MGMT: variants seen among roughly 807,000 people sequenced by gnomAD.
The protein encoded by MGMT is O-6-methylguanine-DNA methyltransferase.
In MGMT, 14 loss-of-function variants were observed where a neutral mutation model predicts 15.9. The observed-to-expected ratio is 0.88, with a 90% confidence interval of 0.58 to 1.37. The LOEUF (loss-of-function observed/expected upper bound fraction) is 1.37, where lower values mean the gene tolerates loss of function less well. Ranked by LOEUF, MGMT falls within the 40% of genes most tolerant of loss-of-function variation. The pLI, the probability that MGMT is intolerant of heterozygous loss-of-function variation, is 0.00. For missense variants in MGMT, 282 were observed against 268.1 expected (o/e 1.05, Z -0.36); for synonymous variants, 130 against 118.2 (o/e 1.10, Z -0.65).
intron 3 of MGMT, among the ~76,000 whole-genome samples, chr10:129,728,444 T>C (rs1165122008): frequency 4.6e-5 from 7 of 152,108 alleles, no homozygotes; most frequent in Non-Finnish European, 8.8e-5. Context: ...GGGTCCATAA[T>C]GGTGGTGATT....
chr10:129,506,379 G>A (rs1845625627), intron 1 of MGMT, among the ~76,000 whole-genome samples: 1 of 152,054 alleles, frequency 6.6e-6, no homozygotes, highest in South Asian at 2.1e-4. Flanking sequence ...GTGCCATCTT[G>A]GACCCCTTCT....
At chr10:129,603,606 T>G (rs545860733) in intron 2 of MGMT, among the ~76,000 whole-genome samples, 1 of 152,340 alleles carries the variant, frequency 6.6e-6, no homozygotes, top group Admixed American at 6.5e-5. Flanking sequence ...CAGATAATAC[T>G]GAAACAATTG....
intron 2 of MGMT, among the ~76,000 whole-genome samples, chr10:129,550,401 G>A (rs1846143715): frequency 6.6e-6 from 1 of 150,572 alleles, no homozygotes; most frequent in Non-Finnish European, 1.5e-5. Context: ...ACAGTGTTCC[G>A]CAGCCATCAC....
rs1007197442 is a variant in MGMT at position 129,566,932 on chromosome 10, A to G, written c.125+30555A>G. ...AGCAATCCGTCATCAATGGAGATCAATACCCAGGAGGTGCCATCTCTCTTG... is the reference window on the plus strand; with the variant it reads ...AGCAATCCGTCATCAATGGAGATCAGTACCCAGGAGGTGCCATCTCTCTTG... On this transcript the variant is annotated intron_variant, in intron 2 of 4. Coordinates refer to ENST00000651593, the MANE Select transcript of MGMT (RefSeq NM_002412.5). This position sits in a 1 kb window ranked among gnomAD's most constrained non-coding sequence, Gnocchi z 4.1. 1.3e-5 allele frequency among the ~76,000 whole-genome samples: 2 copies of G among 152,102 alleles called. No homozygotes were observed. The highest frequency in any genetic ancestry group is 1.3e-4 in the Admixed American group (2 of 15,278).
chr10:129,627,149 G>A (rs1470179981), intron 2 of MGMT, among the ~76,000 whole-genome samples: 1 of 152,250 alleles, frequency 6.6e-6, no homozygotes, highest in African/African-American at 2.4e-5. Flanking sequence ...CAACTTGAAA[G>A]TGAGATATCA....
chr10:129,651,379 G>A (rs957659044), intron 2 of MGMT, among the ~76,000 whole-genome samples: 13 of 151,644 alleles, frequency 8.6e-5, no homozygotes, highest in Non-Finnish European at 1.3e-4. Context: ...TTCTTTAAAG[G>A]TCATTTGGCT....
chr10:129,721,104 A>AG (rs1163050631), intron 3 of MGMT, among the ~76,000 whole-genome samples: 2 of 152,118 alleles, frequency 1.3e-5, no homozygotes, highest in East Asian at 3.8e-4. Flanking sequence ...CTTTGGACAA[A>AG]GGAGTATTCA....
intron 2 of MGMT, among the ~76,000 whole-genome samples, chr10:129,585,655 T>C (rs370915505): frequency 2.4e-4 from 36 of 152,356 alleles, no homozygotes; most frequent in East Asian, 7.7e-4. Flanking sequence ...CCTTAACATA[T>C]AGCAAATTCA....
rs894743003 is a variant in MGMT at position 129,770,853 on chromosome 10, G to A, written c.*3856G>A. On this transcript the variant is annotated 3_prime_UTR_variant, in exon 5 of 5. Coordinates refer to ENST00000651593, the MANE Select transcript of MGMT (RefSeq NM_002412.5). ...TTGCCATCGGGGCAGTGGAGTCCCC[G>A]GAAACAGTCCAAGGCCCTGGGGTGG... is the stretch of plus-strand genomic sequence containing the variant. Among the ~76,000 whole-genome samples the A allele has an allele frequency of 1.4e-5, 2 of 145,926 alleles. No individual in the cohort carries two copies. Among genetic ancestry groups the A allele is most frequent in the African/African-American group, 2.6e-5 (1 of 38,678 alleles).
intron 3 of MGMT, among the ~76,000 whole-genome samples, chr10:129,740,147 T>C (rs974985855): frequency 5.3e-5 from 8 of 152,200 alleles, no homozygotes; most frequent in Non-Finnish European, 1.2e-4. Flanking sequence ...GAGTTAGAAG[T>C]CGGGGTCCGG....
intron 2 of MGMT, among the ~76,000 whole-genome samples, chr10:129,660,986 C>A (rs1847590894): frequency 6.6e-6 from 1 of 152,200 alleles, no homozygotes; most frequent in African/African-American, 2.4e-5. Flanking sequence ...TTTCCAGAAG[C>A]AATCAGTCTT....
In MGMT at chr10:129,560,377, C is replaced by A. The variant is rs371988734; in HGVS notation, c.125+24000C>A. ...AATTTTATAGATAAATTATGGAAAT[C>A]TGTGGTAGACACAGCTCCAGGCAGT... is the stretch of plus-strand genomic sequence containing the variant. On this transcript the variant is annotated intron_variant, in intron 2 of 4. Transcript: ENST00000651593. Among the ~76,000 whole-genome samples the A allele has an allele frequency of 7.9e-5, 12 of 152,296 alleles. No homozygotes were observed. The South Asian group carries it at 2.5e-3, about 32-fold the overall frequency.
intron 1 of MGMT, among the ~76,000 whole-genome samples, chr10:129,492,486 G>T (rs1254813779): frequency 1.3e-5 from 2 of 152,180 alleles, no homozygotes; most frequent in Non-Finnish European, 2.9e-5. Context: ...CCTTTTAGGA[G>T]CCCTCACTTG....
intron 3 of MGMT, among the ~76,000 whole-genome samples, chr10:129,732,786 C>T (rs1253233925): frequency 5.4e-5 from 8 of 148,314 alleles, no homozygotes; most frequent in African/African-American, 2.0e-4. Flanking sequence ...CAGTTCCCAC[C>T]TATGAGTGAG....
intron 1 of MGMT, among the ~76,000 whole-genome samples, chr10:129,473,194 ATGTGT>A (rs1404743310): frequency 3.9e-5 from 6 of 152,328 alleles, no homozygotes; most frequent in South Asian, 2.1e-4. Flanking sequence ...GTATTTTCCC[ATGTGT>A]GACGGCCGTT....
At chr10:129,516,178 G>A (rs1279749569) in intron 1 of MGMT, among the ~76,000 whole-genome samples, 2 of 152,178 alleles carry the variant, frequency 1.3e-5, no homozygotes, top group Non-Finnish European at 2.9e-5. Flanking sequence ...TCCATTTGAA[G>A]TTCCAGCCAA....
intron 3 of MGMT, among the ~76,000 whole-genome samples, chr10:129,716,776 G>A (rs1011189443): frequency 6.6e-6 from 1 of 152,164 alleles, no homozygotes; most frequent in Non-Finnish European, 1.5e-5. Flanking sequence ...TATGACAAAT[G>A]TAAAACAGCA....
At chr10:129,565,737 C>G (rs1419153464) in intron 2 of MGMT, among the ~76,000 whole-genome samples, 1 of 152,148 alleles carries the variant, frequency 6.6e-6, no homozygotes, top group African/African-American at 2.4e-5. Context: ...GAAGAAGACC[C>G]TGGCGCCCCG....
At chr10:129,546,553 A>C (rs919290159) in intron 2 of MGMT, among the ~76,000 whole-genome samples, 16 of 152,208 alleles carry the variant, frequency 1.1e-4, no homozygotes, top group African/African-American at 3.6e-4. Flanking sequence ...AAAGACCTGG[A>C]GGAACAGTTT....
Sources: allele counts gnomAD v4.1 joint callset (sites outside exome capture counted in the v4.1 genomes callset), GRCh38; gene constraint gnomAD v4.1.1; non-coding constraint Gnocchi (gnomAD v3.1); transcripts MANE v1.5; gene names NCBI Gene and HGNC (gene_info 2026-07-23, HGNC 2026-07-21).